The following CCDC90B variants were observed in gnomAD, a reference collection of about 807,000 sequenced individuals.
CCDC90B encodes coiled-coil domain containing 90B.
Under a neutral mutation model 37.0 loss-of-function variants are expected in CCDC90B, and 24 were observed. The observed-to-expected ratio is 0.65, with a 90% confidence interval of 0.47 to 0.91. The LOEUF is 0.91. Ranked by LOEUF, CCDC90B falls within the 40% of genes least tolerant of loss-of-function variation. The pLI is 0.00. For missense variants in CCDC90B, 319 were observed against 299.0 expected, an observed-to-expected ratio of 1.07 and a Z score of -0.49; for synonymous variants, 113 against 101.1, an observed-to-expected ratio of 1.12 and a Z score of -0.71.
chr11:83,265,536 C>G (rs1864205271), intron 8 of CCDC90B, among the ~76,000 whole-genome samples: 1 of 152,074 alleles, frequency 6.6e-6, no homozygotes, highest in Admixed American at 6.6e-5. Flanking sequence ...GCCTGCTAAA[C>G]TTAGATTCTG....
intron 3 of CCDC90B, among the ~76,000 whole-genome samples, chr11:83,277,113 G>C (rs1865082105): frequency 6.6e-6 from 1 of 152,050 alleles, no homozygotes; most frequent in South Asian, 2.1e-4. Context: ...AAAGCCAAAA[G>C]TTTAATAGTG....
Position 83,260,232 on chromosome 11 carries a change from C to T in CCDC90B, c.*1679G>A, listed in dbSNP as rs1262403657. 6.6e-6 allele frequency: 1 copy of T among 152,152 alleles called. No individual in the cohort carries two copies. Among genetic ancestry groups the T allele is most frequent in the Admixed American group, 6.5e-5 (1 of 15,278 alleles). 9.4% of individuals were successfully genotyped at this position (152,152 alleles called of 1,614,324 possible). ...ATAATTTACTTGTTTATGTCTCTCT[C>T]CTTAAGATTGTCAATTCAATGAGAA... On this transcript the variant is annotated 3_prime_UTR_variant, in exon 9 of 9. Coordinates refer to ENST00000529689, the MANE Select transcript of CCDC90B (RefSeq NM_021825.5).
rs1400129896 is a variant in CCDC90B, at chr11:83,273,839, T to C, written c.494A>G (p.Asp165Gly). ...TTCTAAGTTGATATCCAGTTTATTA[T>C]CTGCTCTGATTCGACTGGTTTCATG... ...LMHETSRIRA[D>G]NKLDINLERS... The change falls in exon 6 of 9, where the codon GAT (aspartate) becomes GGT (glycine). Residue 165 changes from aspartate to glycine, a missense_variant. Coordinates refer to ENST00000529689, the MANE Select transcript of CCDC90B (RefSeq NM_021825.5). The C allele has an allele frequency of 6.8e-6, 11 of 1,610,158 alleles. No individual in the cohort carries two copies. Among genetic ancestry groups the C allele is most frequent in the African/African-American group, 2.7e-5 (2 of 74,876 alleles).
chr11:83,280,236 T>C lies in CCDC90B; in HGVS notation c.125A>G (p.Glu42Gly). ...ATCCACTGGCCGCCTATCATATCCC[T>C]CCTTGGTTGTGGTAGTGAAGAACTC... ...RREFFTTTTKEGYDRRPVDIT... is the reference protein window; with the variant it reads ...RREFFTTTTKGGYDRRPVDIT... Residue 42 changes from glutamate (E) to glycine (G), a missense_variant, in exon 2 of 9, where the codon GAG (glutamate) becomes GGG (glycine). Coordinates refer to ENST00000529689, the MANE Select transcript of CCDC90B (RefSeq NM_021825.5). 6.2e-7 allele frequency: 1 copy of C among 1,613,306 alleles called. No individual in the cohort carries two copies. The highest frequency in any genetic ancestry group is 8.5e-7 in the Non-Finnish European group (1 of 1,179,664).
rs1863828074 is a variant in CCDC90B, at chr11:83,259,155, C to A, written c.*2756G>T. ...CAAGTACCTCACATGTGTCTAGAGGCCTTCTGAGAACTTGTAGTTTAGTGT... is the reference window on the plus strand; with the variant it reads ...CAAGTACCTCACATGTGTCTAGAGGACTTCTGAGAACTTGTAGTTTAGTGT... On this transcript the variant is annotated 3_prime_UTR_variant, in exon 9 of 9. Coordinates refer to ENST00000529689, the MANE Select transcript of CCDC90B (RefSeq NM_021825.5). 1 of 152,108 alleles carries A rather than the reference C, an allele frequency of 6.6e-6. No homozygotes were observed. The highest frequency in any genetic ancestry group is 1.5e-5 in the Non-Finnish European group (1 of 68,030). The allele number at this position is 152,108 out of a possible 1,614,324, so 9.4% of individuals were successfully genotyped here. A position where few individuals can be genotyped will look rare whatever the true frequency, so the allele number is the denominator to read the frequency against.
chr11:83,285,925 T>C lies in CCDC90B; in HGVS notation c.48A>G (p.Gly16=). 10 of 1,613,482 alleles carry C rather than the reference T, an allele frequency of 6.2e-6. No individual in the cohort carries two copies. The highest frequency in any genetic ancestry group is 8.5e-6 in the Non-Finnish European group (10 of 1,179,894). ...CGCGGGGCCTTGAAACCCAACGATC[T>C]CCTCTGCCTTGGGAGAGAAAGAGCC... is the stretch of plus-strand genomic sequence containing the variant. The part of the protein sequence containing the change: ...AWRLFLSQGR[G]DRWVSRPRGH... Residue 16 remains glycine, a synonymous_variant, in exon 1 of 9, where the codon GGA becomes GGG. Coordinates refer to ENST00000529689, the MANE Select transcript of CCDC90B (RefSeq NM_021825.5).
intron 1 of CCDC90B, among the ~76,000 whole-genome samples, chr11:83,283,947 G>C (rs1374748034): frequency 6.6e-6 from 1 of 152,140 alleles, no homozygotes; most frequent in Non-Finnish European, 1.5e-5. Context: ...GAGTGACAGA[G>C]ACCCTGTCTC....
intron 8 of CCDC90B, 26 bp downstream of exon 8, chr11:83,265,839 G>T (rs751130521): frequency 1.4e-6 from 2 of 1,405,294 alleles, no homozygotes; most frequent in Non-Finnish European, 1.0e-6. Context: ...TTAGATGACA[G>T]CAATTTCTTT....
chr11:83,282,760 G>T (rs675448), intron 1 of CCDC90B, among the ~76,000 whole-genome samples: 40,132 of 151,980 alleles, frequency 0.26, 5,488 homozygotes, highest in Middle Eastern at 0.41. Flanking sequence ...ACTCCTTTAG[G>T]TTATGTCTCT....
intron 7 of CCDC90B, among the ~76,000 whole-genome samples, chr11:83,269,367 G>A (rs1864503782): frequency 1.3e-5 from 2 of 151,898 alleles, no homozygotes; most frequent in South Asian, 4.2e-4. Flanking sequence ...AATGAACCTA[G>A]GAGCTGGTTT....
At chr11:83,279,932 T>C (rs1196140798) in intron 2 of CCDC90B, among the ~76,000 whole-genome samples, 1 of 152,226 alleles carries the variant, frequency 6.6e-6, no homozygotes, top group African/African-American at 2.4e-5. Context: ...TTATTTCATA[T>C]GCTTTTTTCA....
At chr11:83,275,367 CT>C (rs1454917576) in intron 3 of CCDC90B, among the ~76,000 whole-genome samples, 1 of 152,106 alleles carries the variant, frequency 6.6e-6, no homozygotes, top group Non-Finnish European at 1.5e-5. Flanking sequence ...GAAAATATAA[CT>C]GTTACAGATT....
chr11:83,278,701 G>C (rs200299445), intron 3 of CCDC90B, 25 bp downstream of exon 3: 365 of 1,394,732 alleles, frequency 2.6e-4, no homozygotes, highest in Non-Finnish European at 3.5e-4. Flanking sequence ...GAAAGTATCA[G>C]AAGTGATAGT....
chr11:83,284,813 C>A (rs1395875237), intron 1 of CCDC90B, among the ~76,000 whole-genome samples: 1 of 152,172 alleles, frequency 6.6e-6, no homozygotes, highest in Non-Finnish European at 1.5e-5. Context: ...ATTTTGTTTT[C>A]ATTTGGATAT....
rs1365373312 is a variant in CCDC90B at position 83,265,979 on chromosome 11, C to A, written c.595G>T (p.Asp199Tyr). 6.5e-7 allele frequency: 1 copy of A among 1,530,464 alleles called. No homozygotes were observed. The highest frequency in any genetic ancestry group is 9.0e-7 in the Non-Finnish European group (1 of 1,105,368). The allele number at this position is 1,530,464 out of a possible 1,614,324, so 94.8% of individuals were successfully genotyped here. A position where few individuals can be genotyped will look rare whatever the true frequency, so the allele number is the denominator to read the frequency against. Residue 199 changes from aspartate to tyrosine, a missense_variant and splice_region_variant, in exon 8 of 9, where the codon GAT (aspartate) becomes TAT (tyrosine). By Grantham distance (160) the Asp-to-Tyr change is radical. Transcript: ENST00000529689. ...GAAATAATACTTTTGGTTTGAGTAT[C>A]CTGTGGTAAACCAGAATAAGAGAAC... Reference protein sequence around the residue: ...METTTEFTKKDTQTKSIISET... With the variant: ...METTTEFTKKYTQTKSIISET...
chr11:83,263,489 G>C (rs1053657929), intron 8 of CCDC90B, among the ~76,000 whole-genome samples: 4 of 152,162 alleles, frequency 2.6e-5, no homozygotes, highest in Admixed American at 6.5e-5. Flanking sequence ...GCTTAGGTGA[G>C]CATATGCCTG....
chr11:83,271,918 C>A (rs1467212409), intron 7 of CCDC90B, among the ~76,000 whole-genome samples: 2 of 152,102 alleles, frequency 1.3e-5, no homozygotes, highest in Admixed American at 1.3e-4. Flanking sequence ...ATATACACCA[C>A]GGAATACTAT....
At chr11:83,281,057 A>T (rs1050444104) in intron 1 of CCDC90B, among the ~76,000 whole-genome samples, 2 of 152,218 alleles carry the variant, frequency 1.3e-5, no homozygotes, top group Non-Finnish European at 2.9e-5. Flanking sequence ...AATTTATTAC[A>T]AGGTGCCCTG....
chr11:83,276,494 C>A (rs1048138481), intron 3 of CCDC90B, among the ~76,000 whole-genome samples: 1 of 152,082 alleles, frequency 6.6e-6, no homozygotes, highest in Admixed American at 6.5e-5. Context: ...ACCACATGCA[C>A]CCACCATCAT....
Sources: allele counts gnomAD v4.1 joint callset (sites outside exome capture counted in the v4.1 genomes callset), GRCh38; gene constraint gnomAD v4.1.1; transcripts MANE v1.5; gene names NCBI Gene and HGNC (gene_info 2026-07-23, HGNC 2026-07-21).